Variants in LMO7 observed in about 807,000 individuals in gnomAD.
The protein encoded by LMO7 is LIM domain 7, also known as LIM domain only protein 7.
LMO7 carries 120 observed loss-of-function variants against 206.5 expected under a neutral mutation model. That is an observed-to-expected ratio of 0.58 (90% CI 0.50 to 0.68). The LOEUF is 0.68. Ranked by LOEUF, LMO7 falls within the 30% of genes least tolerant of loss-of-function variation. The pLI is 0.00. For synonymous variants in LMO7, 706 were observed against 681.5 expected (o/e 1.04, Z -0.56); for missense variants, 1,959 against 1,957.9 (o/e 1.00, Z -0.01).
chr13:75,723,294 T>C (rs1449174509), intron 2 of LMO7, among the ~76,000 whole-genome samples: 1 of 152,190 alleles, frequency 6.6e-6, no homozygotes, highest in South Asian at 2.1e-4. Flanking sequence ...AGTTTGATAA[T>C]GTGAGGATGT....
chr13:75,760,769 C>A (rs1226233329), intron 3 of LMO7, 163 bp from the exon 4 acceptor site: 1 of 1,538,110 alleles, frequency 6.5e-7, no homozygotes. Flanking sequence ...GCTGTACAAG[C>A]CCTATGTATT....
chr13:75,857,992 T>G lies in LMO7; in HGVS notation c.*49T>G, dbSNP rs745314651. ...TGTTGCAGATAGAAGAAGAGGTGGT[T>G]GCTGCTCATGTAGATCTATAAATAT... is the stretch of plus-strand genomic sequence containing the variant. On this transcript the variant is annotated 3_prime_UTR_variant, in exon 31 of 31. Coordinates refer to ENST00000377534, the MANE Select transcript of LMO7 (RefSeq NM_001306080.2). 3.7e-6 allele frequency: 6 copies of G among 1,606,866 alleles called. No homozygotes were observed. The Admixed American group carries it at 1.0e-4, about 27-fold the overall frequency.
intron 3 of LMO7, among the ~76,000 whole-genome samples, chr13:75,758,102 C>T (rs966291373): frequency 1.3e-5 from 2 of 152,052 alleles, no homozygotes; most frequent in African/African-American, 4.8e-5. Context: ...CTTTCCAAAG[C>T]CACACAGTTG....
At chr13:75,782,863 C>G (rs1231949218) in intron 4 of LMO7, among the ~76,000 whole-genome samples, 1 of 152,192 alleles carries the variant, frequency 6.6e-6, no homozygotes, top group Admixed American at 6.5e-5. Context: ...TTAGGACCCA[C>G]TGGGATAATC....
At chr13:75,660,955 A>G (rs9544015) in intron 1 of LMO7, among the ~76,000 whole-genome samples, 151,599 of 152,256 alleles carry the variant, frequency 1, 75,477 homozygotes, top group Middle Eastern at 1. Context: ...AGGAGAGTAT[A>G]GACTTGGTTA....
At chr13:75,664,044 A>G (rs9573605) in intron 1 of LMO7, among the ~76,000 whole-genome samples, 30,947 of 152,034 alleles carry the variant, frequency 0.2, 3,901 homozygotes, top group Middle Eastern at 0.29. Flanking sequence ...TTTTACCACA[A>G]TCACCCTGTT....
chr13:75,757,857 T>A (rs1318639752), intron 3 of LMO7, among the ~76,000 whole-genome samples: 1 of 150,858 alleles, frequency 6.6e-6, no homozygotes, highest in Non-Finnish European at 1.5e-5. Context: ...GGTTTGTCTT[T>A]GAGAAGCCAC....
chr13:75,737,607 G>C (rs71433201), intron 3 of LMO7, among the ~76,000 whole-genome samples: 1 of 146,756 alleles, frequency 6.8e-6, no homozygotes, highest in Non-Finnish European at 1.5e-5. Context: ...CAAAAAATTA[G>C]CCGGGCGTGG....
intron 11 of LMO7, among the ~76,000 whole-genome samples, chr13:75,811,605 T>C (rs1566518884): frequency 6.6e-6 from 1 of 152,226 alleles, no homozygotes; most frequent in Non-Finnish European, 1.5e-5. Flanking sequence ...ATGTGCAGTA[T>C]CTTTTGAAGT....
At chr13:75,809,689 G>A (rs988379817) in intron 11 of LMO7, among the ~76,000 whole-genome samples, 3 of 151,782 alleles carry the variant, frequency 2.0e-5, no homozygotes, top group Admixed American at 2.0e-4. Flanking sequence ...TTCCCTAGGT[G>A]GTATTTGGAA....
chr13:75,663,436 T>TTTTTTC (rs1566286877), intron 1 of LMO7, among the ~76,000 whole-genome samples: 5 of 17,992 alleles, frequency 2.8e-4, no homozygotes, highest in Non-Finnish European at 8.1e-4. Flanking sequence ...TTCTTTCTTT[T>TTTTTTC]TTTTTTTTTT....
intron 1 of LMO7, among the ~76,000 whole-genome samples, chr13:75,638,268 CTTTT>C (rs953915490): frequency 1.7e-4 from 25 of 150,884 alleles, no homozygotes; most frequent in African/African-American, 5.6e-4. Context: ...ACACCCTTCC[CTTTT>C]TTTTTAGTAT....
intron 1 of LMO7, among the ~76,000 whole-genome samples, chr13:75,678,890 C>T (rs1178237186): frequency 6.6e-6 from 1 of 152,274 alleles, no homozygotes; most frequent in East Asian, 1.9e-4. Context: ...CTGTTCATGA[C>T]AGGAAGCAGA....
chr13:75,747,917 T>C (rs987579378), intron 3 of LMO7, among the ~76,000 whole-genome samples: 1 of 152,146 alleles, frequency 6.6e-6, no homozygotes, highest in African/African-American at 2.4e-5. Flanking sequence ...ACCAGATAGA[T>C]GGCTGAGTGA....
Position 75,774,852 on chromosome 13 carries a change from A to G in LMO7, c.317+13814A>G, listed in dbSNP as rs182819967. ...TTTTGAAGAGCAGAAGATTTGATGA[A>G]ATTACCATTTGGTTATTTTTTCTTT... is the stretch of plus-strand genomic sequence containing the variant. On this transcript the variant is annotated intron_variant, in intron 4 of 30. Transcript: ENST00000377534. Among the ~76,000 whole-genome samples, 4 of 152,212 alleles carry G rather than the reference A, an allele frequency of 2.6e-5. No homozygotes were observed. In the East Asian group the frequency reaches 5.8e-4, roughly 22 times the overall value.
At chr13:75,806,313 C>T (rs2055457632) in intron 9 of LMO7, 1 of 899,240 alleles carries the variant, frequency 1.1e-6, no homozygotes, top group Non-Finnish European at 1.3e-6. Context: ...TCAGACAACC[C>T]TCTGCCTGCT....
At chr13:75,820,645 A>C (rs1016183604) in intron 13 of LMO7, among the ~76,000 whole-genome samples, 1 of 152,224 alleles carries the variant, frequency 6.6e-6, no homozygotes, top group Non-Finnish European at 1.5e-5. Flanking sequence ...TTTGAGAACC[A>C]TTTTAATTAA....
At chr13:75,742,687 T>C (rs2046509601) in intron 3 of LMO7, among the ~76,000 whole-genome samples, 1 of 152,212 alleles carries the variant, frequency 6.6e-6, no homozygotes, top group African/African-American at 2.4e-5. Context: ...AGATTGAAAC[T>C]GGAACTTTTC....
chr13:75,667,763 T>A (rs1278822830), intron 1 of LMO7, among the ~76,000 whole-genome samples: 2 of 152,254 alleles, frequency 1.3e-5, no homozygotes, highest in African/African-American at 4.8e-5. Flanking sequence ...GGAGTCTCTC[T>A]TGATTGTCTT....
Sources: gnomAD v4.1 joint callset for allele counts (sites outside exome capture counted in the v4.1 genomes callset) on GRCh38, gnomAD v4.1.1 for gene constraint, MANE v1.5 for transcripts, NCBI Gene and HGNC (gene_info 2026-07-23, HGNC 2026-07-21) for gene names.